The following MAP4 variants were observed in gnomAD, a reference collection of about 807,000 sequenced individuals.
MAP4 encodes microtubule-associated protein 4.
A neutral mutation model predicts 170.2 loss-of-function variants in MAP4; 76 were observed. The ratio of observed to expected loss-of-function variants is 0.45; its 90% CI spans 0.37 to 0.54. The LOEUF (loss-of-function observed/expected upper bound fraction) is 0.54. Among genes scored for constraint, MAP4 ranks in the 20% least tolerant of loss-of-function variants. The probability of loss-of-function intolerance (pLI) is 0.00; values close to 1 mark genes in which losing one functional copy is unlikely to be tolerated. For synonymous variants in MAP4, 909 were observed against 994.5 expected (o/e 0.91, Z 1.62); for missense variants, 2,506 against 2,748.0 (o/e 0.91, Z 1.97).
chr3:47,970,344 GT>G (rs2100077851), intron 3 of MAP4, among the ~76,000 whole-genome samples: 1 of 151,940 alleles, frequency 6.6e-6, no homozygotes, highest in Admixed American at 6.6e-5. Flanking sequence ...AATTAGCCAG[GT>G]ATGGTGGCGT....
At chr3:47,969,867 A>G (rs2100077530) in intron 3 of MAP4, among the ~76,000 whole-genome samples, 1 of 152,144 alleles carries the variant, frequency 6.6e-6, no homozygotes, top group African/African-American at 2.4e-5. Flanking sequence ...CTCAAAAAAA[A>G]AAAAAAGAGT....
intron 6 of MAP4, 94 bp downstream of exon 6, chr3:47,918,625 C>A (rs2100041027): frequency 1.2e-5 from 11 of 924,890 alleles, no homozygotes; most frequent in Admixed American, 2.1e-5. Flanking sequence ...AATTTTTATA[C>A]CTGCTGTAAG....
chr3:47,908,133 A>G (rs1044144037), intron 9 of MAP4, among the ~76,000 whole-genome samples: 8 of 152,074 alleles, frequency 5.3e-5, no homozygotes, highest in African/African-American at 1.4e-4. Flanking sequence ...TAGGCTGTGA[A>G]AAATCTCAAA....
At chr3:48,047,296 C>T (rs1022854970) in intron 1 of MAP4, among the ~76,000 whole-genome samples, 1 of 151,934 alleles carries the variant, frequency 6.6e-6, no homozygotes, top group African/African-American at 2.4e-5. Flanking sequence ...CTAGATTCTG[C>T]ACTAGACTCA....
At chr3:48,046,458 G>A (rs2100124630) in intron 1 of MAP4, among the ~76,000 whole-genome samples, 1 of 152,180 alleles carries the variant, frequency 6.6e-6, no homozygotes, top group Non-Finnish European at 1.5e-5. Flanking sequence ...ACCACATAAA[G>A]CAACAACTCC....
At position 47,910,407 on chromosome 3, in the gene MAP4, T is replaced by C. The variant is rs945637962; in HGVS notation, c.4014A>G (p.Ser1338=). The C allele has an allele frequency of 2.0e-6, 3 of 1,536,510 alleles. No homozygotes were observed. The highest frequency in any genetic ancestry group is 2.0e-5 in the Admixed American group (1 of 50,984). ...EQIQGAGFVP[S]VVSEENKTDA... ...CTGTCTTATTCTCCTCAGATACTAC[T>C]GAAGGAACAAATCCTGCCCCCTGGA... The change falls in exon 9 of 21, where the codon TCA becomes TCG. Residue 1338 remains serine, a synonymous_variant. Coordinates refer to ENST00000683076, the MANE Select transcript of MAP4 (RefSeq NM_001385682.1).
intron 1 of MAP4, among the ~76,000 whole-genome samples, chr3:48,045,836 C>T (rs192651583): frequency 2.6e-5 from 4 of 152,296 alleles, no homozygotes; most frequent in East Asian, 1.9e-4. Flanking sequence ...CCACCGCGCC[C>T]GGCTGCAATA....
chr3:47,983,050 G>A (rs1264263932), intron 2 of MAP4, among the ~76,000 whole-genome samples: 2 of 151,910 alleles, frequency 1.3e-5, no homozygotes, highest in Non-Finnish European at 2.9e-5. Context: ...GACTACAGGC[G>A]TGCGCCACCA....
At chr3:47,880,824 G>A (rs2096597320) in intron 10 of MAP4, among the ~76,000 whole-genome samples, 1 of 152,148 alleles carries the variant, frequency 6.6e-6, no homozygotes, top group African/African-American at 2.4e-5. Context: ...ATCTTGGTGA[G>A]TGTTTAATGG....
At chr3:48,009,391 G>A (rs772509783) in intron 1 of MAP4, among the ~76,000 whole-genome samples, 20 of 152,140 alleles carry the variant, frequency 1.3e-4, no homozygotes, top group Non-Finnish European at 2.4e-4. Flanking sequence ...GTGAGCCACC[G>A]CACCCAGCTG....
In MAP4 at chr3:47,988,506, G is replaced by T. The variant is rs1290706143; in HGVS notation, c.223+10132C>A. ...GTTCTGATTAAGCCAATTAATTTAT[G>T]AATATGACTTATGAATATGAACAGG... On this transcript the variant is annotated intron_variant, in intron 2 of 20. Transcript: ENST00000683076. Among the ~76,000 whole-genome samples, 7 of 152,080 alleles carry T rather than the reference G, an allele frequency of 4.6e-5. No homozygotes were observed. The East Asian group carries it at 1.3e-3, about 29-fold the overall frequency.
chr3:47,899,460 C>G (rs1448222924), intron 10 of MAP4, among the ~76,000 whole-genome samples: 1 of 152,200 alleles, frequency 6.6e-6, no homozygotes, highest in Non-Finnish European at 1.5e-5. Flanking sequence ...AGGTCCTATT[C>G]CTACTCACTC....
intron 1 of MAP4, among the ~76,000 whole-genome samples, chr3:48,021,606 AAAGTGT>A (rs1364079425): frequency 2.0e-5 from 3 of 152,324 alleles, no homozygotes; most frequent in African/African-American, 7.2e-5. Context: ...TTGGCCTCCT[AAAGTGT>A]TGGGATTACA....
At chr3:48,041,819 A>T (rs2100121770) in intron 1 of MAP4, among the ~76,000 whole-genome samples, 2 of 152,238 alleles carry the variant, frequency 1.3e-5, no homozygotes, top group South Asian at 4.1e-4. Flanking sequence ...ACCCTGAAAT[A>T]AAAACAAGGT....
At chr3:47,922,992 G>T (rs1224933161) in intron 4 of MAP4, among the ~76,000 whole-genome samples, 1 of 152,088 alleles carries the variant, frequency 6.6e-6, no homozygotes, top group East Asian at 1.9e-4. Flanking sequence ...AGAGGTGGCA[G>T]TGAGCCGAGA....
At chr3:48,019,227 A>T (rs2100109360), upstream of MAP4, among the ~76,000 whole-genome samples, 1 of 152,114 alleles carries the variant, frequency 6.6e-6, no homozygotes, top group Admixed American at 6.6e-5. Context: ...CTGTAGTGCC[A>T]GCCTCTCAGG....
In MAP4 at chr3:47,852,669, A is replaced by G. The variant is rs1360981611; in HGVS notation, c.*265T>C. On this transcript the variant is annotated 3_prime_UTR_variant, in exon 21 of 21. Coordinates refer to ENST00000683076, the MANE Select transcript of MAP4 (RefSeq NM_001385682.1). ...GATGGGGCAAGACCAAAGCAGGGAG[A>G]TGGGCCCAGGCTGGGGAGTGAGAGG... 1.4e-5 allele frequency: 18 copies of G among 1,312,402 alleles called. No individual in the cohort carries two copies. The Admixed American group carries it at 1.5e-4, about 11-fold the overall frequency. 81.3% of individuals were successfully genotyped at this position (1,312,402 alleles called of 1,614,324 possible). A position where few individuals can be genotyped will look rare whatever the true frequency, so the allele number is the denominator to read the frequency against.
chr3:48,056,671 G>A (rs1467264262), intron 1 of MAP4, among the ~76,000 whole-genome samples: 97 of 116,808 alleles, frequency 8.3e-4, no homozygotes, highest in South Asian at 2.0e-3. Context: ...AGGTGGGGGG[G>A]TCAGCCCTCC....
intron 5 of MAP4, among the ~76,000 whole-genome samples, chr3:47,920,962 A>T (rs1417618638): frequency 6.6e-6 from 1 of 152,170 alleles, no homozygotes; most frequent in African/African-American, 2.4e-5. Flanking sequence ...GTTCAAGACC[A>T]GCCTGGGCAA....
Sources: allele counts gnomAD v4.1 joint callset (sites outside exome capture counted in the v4.1 genomes callset), GRCh38; gene constraint gnomAD v4.1.1; transcripts MANE v1.5; gene names NCBI Gene and HGNC (gene_info 2026-07-23, HGNC 2026-07-21).